The following NBEA variants were observed in gnomAD, a reference collection of about 807,000 sequenced individuals.
NBEA encodes the protein lysosomal-trafficking regulator 2.
In NBEA, 44 loss-of-function variants were observed where a neutral mutation model predicts 343.4. That is an observed-to-expected ratio of 0.13 (90% CI 0.10 to 0.16). The LOEUF (loss-of-function observed/expected upper bound fraction) is 0.16, where lower values mean the gene tolerates loss of function less well. Ranked by LOEUF, NBEA falls within the 10% of genes least tolerant of loss-of-function variation. The pLI is 1.00. For synonymous variants in NBEA, 1,175 were observed against 1,238.7 expected (o/e 0.95, Z 1.08); for missense variants, 2,555 against 3,631.3 (o/e 0.70, Z 7.62).
Position 35,277,555 on chromosome 13 carries a change from A to C in NBEA, c.5777-12834A>C, listed in dbSNP as rs111457563. Reference sequence around the variant, plus strand: ...AAAATCACTTGAACCTGGTAGGCAGAAGTTGCAGTCAGCTGAGATCGCACC... The same window carrying C: ...AAAATCACTTGAACCTGGTAGGCAGCAGTTGCAGTCAGCTGAGATCGCACC... On this transcript the variant is annotated intron_variant, in intron 34 of 58. Coordinates refer to ENST00000379939, the MANE Select transcript of NBEA (RefSeq NM_001385012.1). Among the ~76,000 whole-genome samples, 957 of 147,354 alleles carry C rather than the reference A, an allele frequency of 6.5e-3. 11 individuals are homozygous for C. Among genetic ancestry groups the C allele is most frequent in the African/African-American group, 0.023 (915 of 39,876 alleles).
intron 33 of NBEA, among the ~76,000 whole-genome samples, chr13:35,212,624 G>A (rs1344215300): frequency 2.0e-5 from 3 of 152,038 alleles, no homozygotes; most frequent in Non-Finnish European, 4.4e-5. Flanking sequence ...TGCAAAAGTG[G>A]TTGTACTAGT....
In NBEA at chr13:35,564,735, G is replaced by C. The variant is rs535568587; in HGVS notation, c.6923-2170G>C. Among the ~76,000 whole-genome samples, 17 of 152,266 alleles carry C rather than the reference G, an allele frequency of 1.1e-4. No individual in the cohort carries two copies. In the South Asian group the frequency reaches 2.3e-3, roughly 20 times the overall value. ...TGATTGCTTGAGCTACCTAGCTGTA[G>C]ATGTTTTCTTCTCGTTTAATGTAGA... On this transcript the variant is annotated intron_variant, in intron 44 of 58. Transcript: ENST00000379939.
chr13:35,541,973 T>C (rs1320285012), intron 41 of NBEA, among the ~76,000 whole-genome samples: 1 of 151,890 alleles, frequency 6.6e-6, no homozygotes, highest in African/African-American at 2.4e-5. Flanking sequence ...ACATCAAAAA[T>C]CAATGAACTT....
At chr13:35,385,731 A>G (rs2042215522) in intron 38 of NBEA, among the ~76,000 whole-genome samples, 1 of 152,152 alleles carries the variant, frequency 6.6e-6, no homozygotes, top group Non-Finnish European at 1.5e-5. Context: ...AATAAAAATA[A>G]AACATGTTAA....
At position 35,080,292 on chromosome 13, in the gene NBEA, A is replaced by G. The variant is rs142016501; in HGVS notation, c.1571+9440A>G. On this transcript the variant is annotated intron_variant, in intron 10 of 58. Transcript: ENST00000379939. ...TTGAGGATCTCTCCCTTGGTGGCCT[A>G]TGGGTGCCTATTAATGCATCCAGCA... Among the ~76,000 whole-genome samples, 11 of 152,228 alleles carry G rather than the reference A, an allele frequency of 7.2e-5. No individual in the cohort carries two copies. The East Asian group carries it at 7.7e-4, about 11-fold the overall frequency.
intron 36 of NBEA, among the ~76,000 whole-genome samples, chr13:35,319,937 A>G (rs1232656524): frequency 3.4e-5 from 5 of 148,368 alleles, no homozygotes. Context: ...TTTGCTTTCC[A>G]TTTGCTTGGT....
chr13:35,349,666 A>G (rs1261939035), intron 37 of NBEA, among the ~76,000 whole-genome samples: 1 of 152,080 alleles, frequency 6.6e-6, no homozygotes. Flanking sequence ...CATTTACAAG[A>G]CAAAATAGGT....
intron 25 of NBEA, 146 bp downstream of exon 25, chr13:35,169,141 T>G (rs1349064179): frequency 1.9e-6 from 1 of 530,920 alleles, no homozygotes; most frequent in Non-Finnish European, 3.0e-6. Context: ...AAAGAGTCAT[T>G]GAAAGGATTA....
chr13:35,158,884 A>G, intron 21 of NBEA, 132 bp from the exon 22 acceptor site: 1 of 785,520 alleles, frequency 1.3e-6, no homozygotes, highest in Non-Finnish European at 1.9e-6. Flanking sequence ...TTTAGGACTA[A>G]CAAATGCCAG....
chr13:35,213,686 G>A lies in NBEA; in HGVS notation c.5648+2507G>A, dbSNP rs193124796. Among the ~76,000 whole-genome samples the A allele has an allele frequency of 2.7e-5, 4 of 148,354 alleles. No individual in the cohort carries two copies. In the Admixed American group the frequency reaches 2.7e-4, roughly 10 times the overall value. ...TGTTTCTAAATTGATTTATTCTTAG[G>A]AATTGAATATTTTGTATGTTTCTAT... On this transcript the variant is annotated intron_variant, in intron 33 of 58. Transcript: ENST00000379939.
intron 43 of NBEA, among the ~76,000 whole-genome samples, chr13:35,552,643 G>A (rs889746838): frequency 9.2e-5 from 14 of 152,058 alleles, no homozygotes; most frequent in African/African-American, 4.8e-5. Context: ...ACTTACGAAT[G>A]GGCCTAACTT....
intron 34 of NBEA, among the ~76,000 whole-genome samples, chr13:35,244,029 T>C (rs1477985842): frequency 6.6e-6 from 1 of 151,900 alleles, no homozygotes; most frequent in Non-Finnish European, 1.5e-5. Flanking sequence ...TAAGACCATA[T>C]GTTAGGTCAT....
At chr13:35,456,921 AT>A (rs1014216307) in intron 40 of NBEA, among the ~76,000 whole-genome samples, 15 of 151,212 alleles carry the variant, frequency 9.9e-5, no homozygotes, top group South Asian at 2.1e-4. Context: ...AATTGTAATA[AT>A]TTTTTTTGTT....
At chr13:35,653,664 T>A (rs1351769329) in intron 53 of NBEA, among the ~76,000 whole-genome samples, 1 of 152,204 alleles carries the variant, frequency 6.6e-6, no homozygotes, top group East Asian at 1.9e-4. Flanking sequence ...TCCTTCGTCT[T>A]TGAACCTGGA....
intron 1 of NBEA, 36 bp from the exon 2 acceptor site, chr13:35,040,897 A>G: frequency 1.3e-6 from 2 of 1,543,586 alleles, no homozygotes; most frequent in Non-Finnish European, 1.8e-6. Context: ...ATAACCTCCC[A>G]TGTTAACACT....
At chr13:35,539,913 C>G (rs1431434311) in intron 41 of NBEA, among the ~76,000 whole-genome samples, 1 of 26,714 alleles carries the variant, frequency 3.7e-5, no homozygotes, top group Non-Finnish European at 6.1e-5. Flanking sequence ...AAGACTCCGT[C>G]TCAAAAAAAA....
intron 33 of NBEA, among the ~76,000 whole-genome samples, chr13:35,216,653 T>A (rs2074082752): frequency 6.6e-6 from 1 of 152,006 alleles, no homozygotes; most frequent in East Asian, 1.9e-4. Flanking sequence ...ATTCATACAC[T>A]TTACAGAGGT....
chr13:35,336,703 C>T (rs573933188), intron 36 of NBEA, among the ~76,000 whole-genome samples: 2 of 152,014 alleles, frequency 1.3e-5, no homozygotes, highest in South Asian at 2.1e-4. Context: ...AAAAATGAAA[C>T]CATGTCCTTT....
At chr13:35,118,207 A>G in intron 14 of NBEA, 21 bp from the exon 15 acceptor site, 2 of 1,398,358 alleles carry the variant, frequency 1.4e-6, no homozygotes, top group South Asian at 1.5e-5. Context: ...GTAAAGTAAT[A>G]AAATATTTTT....
Sources: gnomAD v4.1 joint callset for allele counts (sites outside exome capture counted in the v4.1 genomes callset) on GRCh38, gnomAD v4.1.1 for gene constraint, MANE v1.5 for transcripts, NCBI Gene and HGNC (gene_info 2026-07-23, HGNC 2026-07-21) for gene names.